Variants in DRICH1 observed in about 807,000 individuals in gnomAD.
DRICH1 encodes the protein aspartate rich 1, also known as aspartate-rich protein 1.
In DRICH1, 38 loss-of-function variants were observed where a neutral mutation model predicts 39.5. The observed-to-expected ratio is 0.96, with a 90% confidence interval of 0.74 to 1.26. The LOEUF (loss-of-function observed/expected upper bound fraction) is 1.26, where lower values mean the gene tolerates loss of function less well. DRICH1 is among the 50% of genes most tolerant of loss of function. The probability of loss-of-function intolerance (pLI) is 0.00; values close to 1 mark genes in which losing one functional copy is unlikely to be tolerated. For synonymous variants in DRICH1, 84 were observed against 99.5 expected, an observed-to-expected ratio of 0.84 and a Z score of 0.93; for missense variants, 279 against 270.4, an observed-to-expected ratio of 1.03 and a Z score of -0.22.
rs753374890 is a variant in DRICH1, at chr22:23,608,710, C to T, written c.*54G>A. Reference sequence around the variant, plus strand: ...AGGGGCAAAGCTGGGGACCCTGCAGCACGCGCTGGCCTGCCCTTTGGGTCA... The same window carrying T: ...AGGGGCAAAGCTGGGGACCCTGCAGTACGCGCTGGCCTGCCCTTTGGGTCA... On this transcript the variant is annotated 3_prime_UTR_variant, in exon 12 of 12. Coordinates refer to ENST00000317749, the MANE Select transcript of DRICH1 (RefSeq NM_016449.4). 1.3e-5 allele frequency: 20 copies of T among 1,544,194 alleles called. No homozygotes were observed. Among genetic ancestry groups the T allele is most frequent in the Non-Finnish European group, 1.7e-5 (19 of 1,140,570 alleles).
chr22:23,626,443 C>T (rs1480744937), intron 1 of DRICH1, among the ~76,000 whole-genome samples: 1 of 152,148 alleles, frequency 6.6e-6, no homozygotes, highest in Non-Finnish European at 1.5e-5. Flanking sequence ...ATTAAAATTC[C>T]AAAGGAACAA....
At chr22:23,584,512 G>A in the DRICH1 span, among the ~76,000 whole-genome samples, 1 of 152,180 alleles carries the variant, frequency 6.6e-6, no homozygotes, top group African/African-American at 2.4e-5. Flanking sequence ...AGAAGTGAAG[G>A]TTCTAGAAAC....
the DRICH1 span, among the ~76,000 whole-genome samples, chr22:23,599,554 C>G: frequency 2.0e-5 from 3 of 152,216 alleles, no homozygotes; most frequent in Admixed American, 2.0e-4. Context: ...GTATGGCAGA[C>G]AGGTTCTAGG....
At chr22:23,600,230 C>G in the DRICH1 span, among the ~76,000 whole-genome samples, 1 of 152,142 alleles carries the variant, frequency 6.6e-6, no homozygotes, top group East Asian at 1.9e-4. Context: ...ATTTCCCTTT[C>G]CCTCCCTGTA....
At chr22:23,621,893 ACT>A (rs1367906941) in intron 4 of DRICH1, among the ~76,000 whole-genome samples, 196 bp downstream of exon 4, 1 of 152,032 alleles carries the variant, frequency 6.6e-6, no homozygotes, top group African/African-American at 2.4e-5. Context: ...ACTGAGTGAG[ACT>A]CTGTCTCAAA....
the DRICH1 span, among the ~76,000 whole-genome samples, chr22:23,585,136 C>T: frequency 5.3e-5 from 8 of 151,556 alleles, no homozygotes; most frequent in African/African-American, 1.9e-4. Flanking sequence ...TCTCTCCTTC[C>T]TTCCCTCCTT....
chr22:23,601,128 T>C, the DRICH1 span, among the ~76,000 whole-genome samples: 32 of 150,148 alleles, frequency 2.1e-4, no homozygotes, highest in Non-Finnish European at 2.9e-5. Flanking sequence ...AACATCTGGT[T>C]TGACCTAACG....
At chr22:23,581,927 C>T in the DRICH1 span, among the ~76,000 whole-genome samples, 5 of 150,570 alleles carry the variant, frequency 3.3e-5, no homozygotes, top group African/African-American at 9.8e-5. Context: ...TTTAAGTACA[C>T]AGTTCAGTGG....
intron 1 of DRICH1, among the ~76,000 whole-genome samples, chr22:23,629,967 T>G (rs931307706): frequency 9.2e-5 from 14 of 152,150 alleles, no homozygotes; most frequent in African/African-American, 2.7e-4. Context: ...CTAAATACAA[T>G]GCAATATCTT....
intron 11 of DRICH1, 111 bp downstream of exon 11, chr22:23,613,178 T>C: frequency 1.2e-6 from 1 of 806,026 alleles, no homozygotes; most frequent in South Asian, 1.4e-5. Context: ...TTCCATTTTC[T>C]TTCTGATTTC....
chr22:23,601,182 A>ATTC, the DRICH1 span, among the ~76,000 whole-genome samples: 1 of 151,670 alleles, frequency 6.6e-6, no homozygotes, highest in South Asian at 2.1e-4. Flanking sequence ...ACACACGTGG[A>ATTC]AACAGCCCAA....
At chr22:23,603,061 A>G in the DRICH1 span, among the ~76,000 whole-genome samples, 1 of 140,794 alleles carries the variant, frequency 7.1e-6, no homozygotes, top group Non-Finnish European at 1.5e-5. Flanking sequence ...GCTGGAGTGC[A>G]GTGGCACAAT....
intron 3 of DRICH1, among the ~76,000 whole-genome samples, chr22:23,623,483 C>CATAAAGAT (rs1270683127): frequency 1.3e-5 from 2 of 152,114 alleles, no homozygotes; most frequent in African/African-American, 2.4e-5. Flanking sequence ...CAGCTGTCAA[C>CATAAAGAT]ATAAAGATTC....
At chr22:23,616,214 C>G (rs138074101) in intron 8 of DRICH1, among the ~76,000 whole-genome samples, 1 of 152,178 alleles carries the variant, frequency 6.6e-6, no homozygotes, top group Admixed American at 6.5e-5. Context: ...AATTAAGTAA[C>G]TGCCTGTGAC....
chr22:23,631,243 T>C (rs896334264), intron 1 of DRICH1, among the ~76,000 whole-genome samples: 28 of 151,566 alleles, frequency 1.8e-4, no homozygotes, highest in African/African-American at 6.8e-4. Flanking sequence ...CACAGTGAAA[T>C]CCCGTCTCTA....
the DRICH1 span, among the ~76,000 whole-genome samples, chr22:23,585,912 A>G: frequency 2.0e-5 from 3 of 151,998 alleles, no homozygotes; most frequent in African/African-American, 7.3e-5. Context: ...CCTTATGGAG[A>G]CTTGTTTTGT....
intron 8 of DRICH1, among the ~76,000 whole-genome samples, chr22:23,615,274 G>T (rs1927287140): frequency 6.6e-6 from 1 of 152,174 alleles, no homozygotes; most frequent in Non-Finnish European, 1.5e-5. Context: ...TACTCAGGAG[G>T]CTGAGGCAGG....
the DRICH1 span, among the ~76,000 whole-genome samples, chr22:23,589,580 C>T: frequency 1.9e-4 from 29 of 152,056 alleles, no homozygotes; most frequent in African/African-American, 7.0e-4. Flanking sequence ...CACTTATTAA[C>T]ATAAGAATGT....
chr22:23,631,781 T>C (rs1488621635), intron 1 of DRICH1, 35 bp downstream of exon 1: 2 of 1,568,474 alleles, frequency 1.3e-6, no homozygotes, highest in Non-Finnish European at 1.8e-6. Flanking sequence ...GCCAGAGGTG[T>C]GCCAGAGGGT....
Sources: gnomAD v4.1 joint callset for allele counts (sites outside exome capture counted in the v4.1 genomes callset) on GRCh38, gnomAD v4.1.1 for gene constraint, MANE v1.5 for transcripts, NCBI Gene and HGNC (gene_info 2026-07-23, HGNC 2026-07-21) for gene names.